The following ADGRB3 variants were observed in gnomAD, a reference collection of about 807,000 sequenced individuals.
The protein encoded by ADGRB3 is brain-specific angiogenesis inhibitor 3.
A neutral mutation model predicts 193.4 loss-of-function variants in ADGRB3; 37 were observed. That is an observed-to-expected ratio of 0.19 (90% CI 0.15 to 0.25). ADGRB3 has a LOEUF of 0.25. ADGRB3 is among the 10% of genes least tolerant of loss of function. The probability of loss-of-function intolerance (pLI) is 1.00; values close to 1 mark genes in which losing one functional copy is unlikely to be tolerated. For synonymous variants in ADGRB3, 690 were observed against 644.2 expected (o/e 1.07, Z -1.08); for missense variants, 1,637 against 1,852.9 (o/e 0.88, Z 2.14).
intron 3 of ADGRB3, among the ~76,000 whole-genome samples, chr6:68,848,008 G>T: frequency 6.6e-6 from 1 of 150,960 alleles, no homozygotes; most frequent in South Asian, 2.1e-4. Flanking sequence ...TCTAAAAAAA[G>T]ACGTCAACAT....
intron 17 of ADGRB3, among the ~76,000 whole-genome samples, chr6:69,151,014 C>G (rs1774660422): frequency 6.6e-6 from 1 of 152,208 alleles, no homozygotes; most frequent in African/African-American, 2.4e-5. Context: ...TTCTTCTCAT[C>G]TTCTGAAGCT....
chr6:69,187,968 A>G (rs555727504), intron 17 of ADGRB3, among the ~76,000 whole-genome samples: 31 of 152,288 alleles, frequency 2.0e-4, no homozygotes, highest in African/African-American at 7.2e-4. Context: ...TCATTCTGTG[A>G]CTTGTCCAAG....
intron 17 of ADGRB3, among the ~76,000 whole-genome samples, chr6:69,168,405 C>T (rs949529880): frequency 1.6e-4 from 24 of 152,194 alleles, no homozygotes; most frequent in African/African-American, 4.8e-4. Flanking sequence ...AACTAGTTAA[C>T]GTAAGGTCAT....
At chr6:68,699,463 A>C (rs1174721995) in intron 3 of ADGRB3, among the ~76,000 whole-genome samples, 1 of 152,088 alleles carries the variant, frequency 6.6e-6, no homozygotes, top group Non-Finnish European at 1.5e-5. Context: ...CTTGGGTGAC[A>C]AATTTTTTAA....
chr6:69,354,277 C>A lies in ADGRB3; in HGVS notation c.3504C>A (p.Pro1168=), dbSNP rs766250190. 2.0e-5 allele frequency: 32 copies of A among 1,613,876 alleles called. No homozygotes were observed. In the Admixed American group the frequency reaches 4.7e-4, roughly 24 times the overall value. ...FRCRLRNCQD[P]INADSSSSFP... is the part of the protein sequence containing the mutation. ...GCCGATTGAGAAACTGTCAGGATCC[C>A]ATCAATGCAGATTCTTCGAGTTCGT... Residue 1168 remains proline (P), a synonymous_variant, in exon 27 of 32, where the codon CCC becomes CCA. Transcript: ENST00000370598.
chr6:68,902,027 G>A (rs1308339610), intron 3 of ADGRB3, among the ~76,000 whole-genome samples: 2 of 152,068 alleles, frequency 1.3e-5, no homozygotes, highest in Non-Finnish European at 2.9e-5. Context: ...ATTATGAAAT[G>A]GGCATGACAG....
chr6:68,788,759 A>T (rs1388727292), intron 3 of ADGRB3, among the ~76,000 whole-genome samples: 1 of 152,096 alleles, frequency 6.6e-6, no homozygotes, highest in Non-Finnish European at 1.5e-5. Flanking sequence ...TGGGGTGTTA[A>T]AGTCTCCCAT....
intron 17 of ADGRB3, among the ~76,000 whole-genome samples, chr6:69,092,994 T>G (rs1772759766): frequency 2.3e-4 from 29 of 125,618 alleles, no homozygotes; most frequent in South Asian, 5.4e-4. Context: ...GGAGAGGGAG[T>G]AGGAAGCCGA....
At chr6:69,388,110 C>CGTAA (rs1770112928) in intron 31 of ADGRB3, among the ~76,000 whole-genome samples, 1 of 151,492 alleles carries the variant, frequency 6.6e-6, no homozygotes, top group Non-Finnish European at 1.5e-5. Context: ...AATTTTATCT[C>CGTAA]ATAATTATTA....
chr6:69,051,951 G>A (rs575146783), intron 15 of ADGRB3, among the ~76,000 whole-genome samples: 3 of 152,200 alleles, frequency 2.0e-5, no homozygotes, highest in Non-Finnish European at 4.4e-5. Flanking sequence ...CTGGAGTGCA[G>A]TGGCGCGATC....
intron 3 of ADGRB3, among the ~76,000 whole-genome samples, chr6:68,872,395 C>CA (rs34723574): frequency 0.091 from 13,726 of 151,458 alleles, 822 homozygotes; most frequent in Non-Finnish European, 0.13. Context: ...TAAAAATTGT[C>CA]AAAAAAGGTA....
chr6:68,928,451 C>G (rs1767244850), intron 3 of ADGRB3, among the ~76,000 whole-genome samples: 1 of 152,112 alleles, frequency 6.6e-6, no homozygotes, highest in Non-Finnish European at 1.5e-5. Context: ...GAGAGGATCA[C>G]TTGAGCCCAG....
intron 20 of ADGRB3, among the ~76,000 whole-genome samples, chr6:69,305,022 G>A (rs1768035690): frequency 1.3e-5 from 2 of 151,242 alleles, no homozygotes; most frequent in African/African-American, 4.9e-5. Flanking sequence ...TACATTTTAC[G>A]GGACCATGAA....
intron 17 of ADGRB3, among the ~76,000 whole-genome samples, chr6:69,215,767 A>C (rs986419623): frequency 6.6e-6 from 1 of 152,166 alleles, no homozygotes; most frequent in Non-Finnish European, 1.5e-5. Context: ...CAGCTGACTT[A>C]AAGATCTCCT....
chr6:68,897,019 C>T (rs1766236586), intron 3 of ADGRB3, among the ~76,000 whole-genome samples: 1 of 152,132 alleles, frequency 6.6e-6, no homozygotes, highest in Admixed American at 6.6e-5. Flanking sequence ...AGACTTCAAT[C>T]TCAGTCCTAT....
At chr6:68,848,630 T>C (rs1425500475) in intron 3 of ADGRB3, among the ~76,000 whole-genome samples, 2 of 152,196 alleles carry the variant, frequency 1.3e-5, no homozygotes, top group Middle Eastern at 3.4e-3. Flanking sequence ...TATTTAAATA[T>C]GTTTAGCATT....
In ADGRB3 at chr6:68,828,475, T is replaced by A. The variant is rs531356763; in HGVS notation, c.758-102084T>A. 9.0e-4 allele frequency among the ~76,000 whole-genome samples: 137 copies of A among 152,276 alleles called. 2 individuals carry two copies. Among genetic ancestry groups the A allele is most frequent in the African/African-American group, 3.0e-3 (125 of 41,558 alleles). On this transcript the variant is annotated intron_variant, in intron 3 of 31. Transcript: ENST00000370598. ...AGCACTACCTCAAATATTTATAATA[T>A]TTACTCACCAAAATAAAATGTTCAC...
At chr6:68,787,407 A>G (rs1429548078) in intron 3 of ADGRB3, among the ~76,000 whole-genome samples, 1 of 151,980 alleles carries the variant, frequency 6.6e-6, no homozygotes, top group African/African-American at 2.4e-5. Flanking sequence ...ATCTATTGAG[A>G]TAATCATGTG....
At chr6:69,004,859 G>C (rs1443682323) in intron 11 of ADGRB3, among the ~76,000 whole-genome samples, 1 of 152,096 alleles carries the variant, frequency 6.6e-6, no homozygotes, top group African/African-American at 2.4e-5. Flanking sequence ...AGGACTATGA[G>C]AATTTTCTTT....
Sources: allele counts gnomAD v4.1 joint callset (sites outside exome capture counted in the v4.1 genomes callset), GRCh38; gene constraint gnomAD v4.1.1; transcripts MANE v1.5; gene names NCBI Gene and HGNC (gene_info 2026-07-23, HGNC 2026-07-21).